The following RPH3AL variants were observed in gnomAD, a reference collection of about 807,000 sequenced individuals.
RPH3AL encodes rab effector Noc2.
RPH3AL carries 38 observed loss-of-function variants against 43.1 expected under a neutral mutation model. That is an observed-to-expected ratio of 0.88 (90% CI 0.68 to 1.15). RPH3AL has a LOEUF of 1.15. Ranked by LOEUF, RPH3AL falls within the 50% of genes most tolerant of loss-of-function variation. The pLI is 0.00. For synonymous variants in RPH3AL, 189 were observed against 176.3 expected (o/e 1.07, Z -0.57); for missense variants, 462 against 423.2 (o/e 1.09, Z -0.81).
chr17:258,509 C>T (rs2042120379), intron 6 of RPH3AL, among the ~76,000 whole-genome samples: 1 of 152,182 alleles, frequency 6.6e-6, no homozygotes, highest in African/African-American at 2.4e-5. Flanking sequence ...GAGGAAAGCG[C>T]AGTGAGCCTC....
chr17:242,190 C>A (rs2041556555), intron 7 of RPH3AL, among the ~76,000 whole-genome samples: 1 of 152,322 alleles, frequency 6.6e-6, no homozygotes, highest in Admixed American at 6.5e-5. Context: ...AAACATCAAC[C>A]CTTTCACCTG....
In RPH3AL at chr17:245,751, C is replaced by G. The variant is rs2041749438; in HGVS notation, c.613+1360G>C. On this transcript the variant is annotated intron_variant, in intron 7 of 9. Transcript: ENST00000331302. This position sits in a 1 kb window ranked among gnomAD's most constrained non-coding sequence, Gnocchi z 5.9. The stretch of plus-strand genomic sequence containing the variant: ...CTTCTCCAGCCAATCTCGGGCCACT[C>G]AGTTCCAGGCTGGGCAGCCACAGTG... Among the ~76,000 whole-genome samples the G allele has an allele frequency of 6.6e-6, 1 of 152,098 alleles. No homozygotes were observed. The highest frequency in any genetic ancestry group is 1.5e-5 in the Non-Finnish European group (1 of 68,012).
At position 215,824 on chromosome 17, in the gene RPH3AL, C is replaced by T. The variant is rs1429997501; in HGVS notation, c.728-22G>A. The T allele has an allele frequency of 7.7e-7, 1 of 1,299,472 alleles. No individual in the cohort carries two copies. The highest frequency in any genetic ancestry group is 9.8e-7 in the Non-Finnish European group (1 of 1,020,512). The allele number at this position is 1,299,472 out of a possible 1,614,324, so 80.5% of individuals were successfully genotyped here. ...CCACCTGTGGGAAATCACGTGTGGG[C>T]CCCGTGGATCTCAAACCGAGACGGG... On this transcript the variant is annotated intron_variant, in intron 8 of 9. Coordinates refer to ENST00000331302, the MANE Select transcript of RPH3AL (RefSeq NM_006987.4). This position sits in a 1 kb window ranked among gnomAD's most constrained non-coding sequence, Gnocchi z 4.1.
chr17:228,242 C>T (rs1271445009), intron 7 of RPH3AL, among the ~76,000 whole-genome samples: 3 of 152,126 alleles, frequency 2.0e-5, no homozygotes, highest in African/African-American at 7.2e-5. Flanking sequence ...CATCATCTCC[C>T]TATTTGCCAG....
At chr17:309,568 CCCCTGCCCTG>C (rs2043588744) in intron 5 of RPH3AL, among the ~76,000 whole-genome samples, 1 of 122,420 alleles carries the variant, frequency 8.2e-6, no homozygotes, top group African/African-American at 2.8e-5. Context: ...TATGGCACGT[CCCCTGCCCTG>C]CCCCAGGCTC....
Position 225,965 on chromosome 17 carries a change from G to A in RPH3AL, c.614-6229C>T, listed in dbSNP as rs779028197. Among the ~76,000 whole-genome samples, 3 of 152,252 alleles carry A rather than the reference G, an allele frequency of 2.0e-5. No homozygotes were observed. The highest frequency in any genetic ancestry group is 4.4e-5 in the Non-Finnish European group (3 of 68,042). ...GTCATCTATCACACATGGTCACAGA[G>A]TTGGGCTGGGAGCAGGCGAAAACGG... On this transcript the variant is annotated intron_variant, in intron 7 of 9. Coordinates refer to ENST00000331302, the MANE Select transcript of RPH3AL (RefSeq NM_006987.4). This position sits in a 1 kb window ranked among gnomAD's most constrained non-coding sequence, Gnocchi z 4.4.
At chr17:313,605 G>C (rs756975709) in intron 5 of RPH3AL, among the ~76,000 whole-genome samples, 3 of 152,146 alleles carry the variant, frequency 2.0e-5, no homozygotes, top group East Asian at 1.9e-4. Flanking sequence ...GGTGCTCTGC[G>C]TTAATTCAAC....
At chr17:337,001 G>A (rs1295754971) in intron 1 of RPH3AL, among the ~76,000 whole-genome samples, 1 of 152,144 alleles carries the variant, frequency 6.6e-6, no homozygotes, top group Admixed American at 6.5e-5. Context: ...GCATCCTCGG[G>A]GGCATTTACC....
intron 5 of RPH3AL, among the ~76,000 whole-genome samples, chr17:299,630 C>A (rs1313368946): frequency 6.6e-6 from 1 of 152,214 alleles, no homozygotes; most frequent in Admixed American, 6.5e-5. Context: ...GCGGGAAGCA[C>A]AGGGGCGACT....
chr17:268,947 C>T (rs905011932), intron 6 of RPH3AL, among the ~76,000 whole-genome samples: 49 of 152,230 alleles, frequency 3.2e-4, no homozygotes, highest in South Asian at 6.2e-4. Flanking sequence ...GCCGCGATCT[C>T]GGCTCACCGC....
intron 7 of RPH3AL, among the ~76,000 whole-genome samples, chr17:231,696 C>T (rs572064053): frequency 1.3e-5 from 2 of 152,380 alleles, no homozygotes; most frequent in East Asian, 3.9e-4. Flanking sequence ...CAAAAGCAAG[C>T]CAGAGGCTGG....
At position 247,588 on chromosome 17, in the gene RPH3AL, C is replaced by T. The variant is rs142580222; in HGVS notation, c.439-303G>A. 5.0e-4 allele frequency: 172 copies of T among 344,306 alleles called. 1 individual carries two copies. In the East Asian group the frequency reaches 8.2e-3, roughly 16 times the overall value. 21.3% of individuals were successfully genotyped at this position (344,306 alleles called of 1,614,324 possible). A position where few individuals can be genotyped will look rare whatever the true frequency, so the allele number is the denominator to read the frequency against. On this transcript the variant is annotated intron_variant, in intron 6 of 9. Transcript: ENST00000331302. The stretch of plus-strand genomic sequence containing the variant: ...GCAGCCTCCACCTCCTGGGCTCACG[C>T]GGTCCTCCTGCCTCAGTCTCCTCAG...
At chr17:309,270 G>A (rs954644702) in intron 5 of RPH3AL, among the ~76,000 whole-genome samples, 9 of 152,210 alleles carry the variant, frequency 5.9e-5, no homozygotes, top group Non-Finnish European at 1.2e-4. Flanking sequence ...TCCAGCCTGG[G>A]CGGCAGAGCT....
chr17:237,824 G>A (rs1337669067), intron 7 of RPH3AL, among the ~76,000 whole-genome samples: 7 of 152,190 alleles, frequency 4.6e-5, no homozygotes, highest in African/African-American at 1.7e-4. Context: ...GGTGTCAGGC[G>A]CTCAGTCACA....
At chr17:279,198 T>C (rs1380956379) in intron 6 of RPH3AL, among the ~76,000 whole-genome samples, 1 of 152,110 alleles carries the variant, frequency 6.6e-6, no homozygotes, top group Admixed American at 6.5e-5. Context: ...AGAAAGGGCA[T>C]TAGGAAACCA....
intron 5 of RPH3AL, among the ~76,000 whole-genome samples, chr17:298,586 C>T (rs1471478797): frequency 1.3e-5 from 2 of 151,830 alleles, no homozygotes; most frequent in East Asian, 3.9e-4. Context: ...ACTCCTGTAG[C>T]CCTAGCTACT....
At chr17:270,006 T>C (rs995869817) in intron 6 of RPH3AL, among the ~76,000 whole-genome samples, 2 of 152,010 alleles carry the variant, frequency 1.3e-5, no homozygotes, top group South Asian at 2.1e-4. Context: ...CCACCACCCA[T>C]GTGTGGGAGG....
At chr17:307,560 C>T (rs1302822476) in intron 5 of RPH3AL, among the ~76,000 whole-genome samples, 1 of 152,232 alleles carries the variant, frequency 6.6e-6, no homozygotes, top group Non-Finnish European at 1.5e-5. Flanking sequence ...GCATCTCTAC[C>T]TCCTCAGCCC....
rs963262392 is a variant in RPH3AL at position 215,762 on chromosome 17, C to A, written c.768G>T (p.Pro256=). The A allele has an allele frequency of 1.5e-6, 2 of 1,305,308 alleles. No individual in the cohort carries two copies. The highest frequency in any genetic ancestry group is 8.1e-5 in the Admixed American group (2 of 24,840). 80.9% of individuals were successfully genotyped at this position (1,305,308 alleles called of 1,614,324 possible). A position where few individuals can be genotyped will look rare whatever the true frequency, so the allele number is the denominator to read the frequency against. The part of the protein sequence containing the change: ...VEAPRMGFTH[P]PGHLSGCQSS... ...TCTGGCACCCAGAGAGGTGGCCCGG[C>A]GGGTGGGTGAACCCCATCCTGGGGG... Residue 256 remains proline (P), a synonymous_variant, in exon 9 of 10, where the codon CCG becomes CCT. Coordinates refer to ENST00000331302, the MANE Select transcript of RPH3AL (RefSeq NM_006987.4). The surrounding 1 kb of genome is among the most constrained non-coding windows in gnomAD (Gnocchi z 4.1).
Sources: gnomAD v4.1 joint callset for allele counts (sites outside exome capture counted in the v4.1 genomes callset) on GRCh38, gnomAD v4.1.1 for gene constraint, Gnocchi (gnomAD v3.1) non-coding constraint, MANE v1.5 for transcripts, NCBI Gene and HGNC (gene_info 2026-07-23, HGNC 2026-07-21) for gene names.